SLC2A13: variants seen among roughly 807,000 people sequenced by gnomAD.
The protein encoded by SLC2A13 is proton myo-inositol cotransporter.
In SLC2A13, 32 loss-of-function variants were observed where a neutral mutation model predicts 64.4. The observed-to-expected ratio is 0.50, with a 90% confidence interval of 0.37 to 0.67. The LOEUF is 0.67. Ranked by LOEUF, SLC2A13 falls within the 30% of genes least tolerant of loss-of-function variation. The pLI is 0.00. For synonymous variants in SLC2A13, 338 were observed against 327.1 expected (o/e 1.03, Z -0.36); for missense variants, 743 against 829.2 (o/e 0.90, Z 1.28).
intron 3 of SLC2A13, among the ~76,000 whole-genome samples, chr12:39,958,512 A>G (rs1565561905): frequency 6.6e-6 from 1 of 152,210 alleles, no homozygotes; most frequent in Non-Finnish European, 1.5e-5. Context: ...TGTGGTCTCA[A>G]CATCCCCAGT....
intron 1 of SLC2A13, among the ~76,000 whole-genome samples, chr12:40,078,299 CTCT>C (rs1419156833): frequency 6.6e-6 from 1 of 152,090 alleles, no homozygotes; most frequent in Non-Finnish European, 1.5e-5. Flanking sequence ...TCATAAATGG[CTCT>C]TATTATTTTG....
chr12:39,813,462 C>G (rs1465546969), intron 7 of SLC2A13, among the ~76,000 whole-genome samples: 1 of 152,090 alleles, frequency 6.6e-6, no homozygotes, highest in Admixed American at 6.6e-5. Context: ...TACTCTGAAG[C>G]AAATTTCAGA....
At position 39,929,362 on chromosome 12, in the gene SLC2A13, C is replaced by T. The variant is rs560533988; in HGVS notation, c.1034+21895G>A. Among the ~76,000 whole-genome samples, 7 of 151,926 alleles carry T rather than the reference C, an allele frequency of 4.6e-5. No homozygotes were observed. In the East Asian group the frequency reaches 1.4e-3, roughly 29 times the overall value. On this transcript the variant is annotated intron_variant, in intron 4 of 9. Transcript: ENST00000280871. The stretch of plus-strand genomic sequence containing the variant: ...CGTCAGGAGTTCGAGACTAGCCTGG[C>T]CAAGATGGTGAAACCCTGTCTCTAC...
chr12:39,854,618 A>C (rs975930749), intron 6 of SLC2A13, among the ~76,000 whole-genome samples: 4 of 152,056 alleles, frequency 2.6e-5, no homozygotes, highest in Non-Finnish European at 4.4e-5. Flanking sequence ...CCTCCAATCT[A>C]TATCCCAAAA....
At chr12:39,925,030 ATTTTTTT>A (rs58902176) in intron 4 of SLC2A13, among the ~76,000 whole-genome samples, 24 of 119,114 alleles carry the variant, frequency 2.0e-4, no homozygotes, top group East Asian at 1.4e-3. Flanking sequence ...CATACAGATA[ATTTTTTT>A]TTTTTTTTTT....
At chr12:40,094,438 GA>G (rs1382221276) in intron 1 of SLC2A13, among the ~76,000 whole-genome samples, 1 of 152,128 alleles carries the variant, frequency 6.6e-6, no homozygotes, top group Non-Finnish European at 1.5e-5. Flanking sequence ...GGAGATGGGG[GA>G]AAGAGCAGCC....
chr12:39,897,359 CTTCT>C (rs1373204631), intron 4 of SLC2A13, among the ~76,000 whole-genome samples: 1 of 152,148 alleles, frequency 6.6e-6, no homozygotes, highest in Non-Finnish European at 1.5e-5. Flanking sequence ...CTCACTACCC[CTTCT>C]TTAACAGACA....
intron 3 of SLC2A13, among the ~76,000 whole-genome samples, chr12:40,012,890 C>T (rs1037561889): frequency 6.6e-6 from 1 of 152,138 alleles, no homozygotes; most frequent in Non-Finnish European, 1.5e-5. Flanking sequence ...GCCTCCGGGA[C>T]TGAATGACAA....
chr12:39,875,377 C>G (rs1214112850), intron 4 of SLC2A13, among the ~76,000 whole-genome samples: 1 of 152,210 alleles, frequency 6.6e-6, no homozygotes, highest in East Asian at 1.9e-4. Context: ...CTTTGCCTCC[C>G]TTGTGACTAT....
chr12:39,929,506 G>A (rs946381055), intron 4 of SLC2A13, among the ~76,000 whole-genome samples: 5 of 151,596 alleles, frequency 3.3e-5, no homozygotes, highest in African/African-American at 2.4e-5. Flanking sequence ...AGCCGAGATC[G>A]AGCCATTGCA....
Position 39,756,518 on chromosome 12 carries a change from ACTCT to A in SLC2A13, c.*3504_*3507del, listed in dbSNP as rs1261899804. 8.6e-5 allele frequency: 13 copies of A among 151,754 alleles called. 1 individual carries two copies. The East Asian group carries it at 2.5e-3, about 29-fold the overall frequency. 9.4% of individuals were successfully genotyped at this position (151,754 alleles called of 1,614,324 possible). A position where few individuals can be genotyped will look rare whatever the true frequency, so the allele number is the denominator to read the frequency against. ...GAAATAAAACCAAAATAACATTCCAACTCTCTCCACTGTATTACAGTATTTATGA... is the reference window on the plus strand; with the variant it reads ...GAAATAAAACCAAAATAACATTCCAACTCCACTGTATTACAGTATTTATGA... On this transcript the variant is annotated 3_prime_UTR_variant, in exon 10 of 10. Coordinates refer to ENST00000280871, the MANE Select transcript of SLC2A13 (RefSeq NM_052885.4).
chr12:40,087,611 T>A (rs1457631846), intron 1 of SLC2A13, among the ~76,000 whole-genome samples: 1 of 152,178 alleles, frequency 6.6e-6, no homozygotes, highest in African/African-American at 2.4e-5. Context: ...ATCTACTATG[T>A]GCCAGAGGCT....
chr12:39,906,047 C>T (rs17127234), intron 4 of SLC2A13, among the ~76,000 whole-genome samples: 6,849 of 152,142 alleles, frequency 0.045, 533 homozygotes, highest in African/African-American at 0.15. Flanking sequence ...ATGCTAAAAA[C>T]ATGACAACTT....
intron 6 of SLC2A13, among the ~76,000 whole-genome samples, chr12:39,851,613 C>T (rs1198837953): frequency 2.0e-5 from 3 of 152,102 alleles, no homozygotes; most frequent in African/African-American, 7.2e-5. Flanking sequence ...TAATAGGTTT[C>T]TACAGTAACT....
Position 39,780,203 on chromosome 12 carries a change from A to G in SLC2A13, c.1446-15345T>C, listed in dbSNP as rs373543518. ...TAGCATCATTATTCCCATTTTGCAT[A>G]TAAGTCTTTTTTAAATATAGTGACT... On this transcript the variant is annotated intron_variant, in intron 7 of 9. Transcript: ENST00000280871. Among the ~76,000 whole-genome samples the G allele has an allele frequency of 1.5e-3, 216 of 148,152 alleles. 1 individual carries two copies. The highest frequency in any genetic ancestry group is 5.0e-3 in the African/African-American group (203 of 40,900).
intron 1 of SLC2A13, among the ~76,000 whole-genome samples, chr12:40,097,994 T>G (rs1251024550): frequency 6.6e-6 from 1 of 151,920 alleles, no homozygotes; most frequent in Non-Finnish European, 1.5e-5. Flanking sequence ...AACAGACGAA[T>G]GGATAGATTA....
In SLC2A13 at chr12:40,086,112, C is replaced by T. The variant is rs555810905; in HGVS notation, c.556+19141G>A. ...TCGGCCTCCCAAAGTGCTGGGATTACAGGTGTGAGCCATCGTGCCTGGCCC... is the reference window on the plus strand; with the variant it reads ...TCGGCCTCCCAAAGTGCTGGGATTATAGGTGTGAGCCATCGTGCCTGGCCC... On this transcript the variant is annotated intron_variant, in intron 1 of 9. Transcript: ENST00000280871. Among the ~76,000 whole-genome samples, 3 of 152,312 alleles carry T rather than the reference C, an allele frequency of 2.0e-5. No individual in the cohort carries two copies. The South Asian group carries it at 6.2e-4, about 32-fold the overall frequency.
chr12:39,954,233 G>C (rs1192136220), intron 3 of SLC2A13, among the ~76,000 whole-genome samples: 1 of 152,146 alleles, frequency 6.6e-6, no homozygotes, highest in African/African-American at 2.4e-5. Flanking sequence ...CTGCAGCACA[G>C]GGCAGGTAAA....
intron 3 of SLC2A13, among the ~76,000 whole-genome samples, chr12:39,958,921 T>C (rs1164976701): frequency 6.6e-6 from 1 of 152,130 alleles, no homozygotes; most frequent in Non-Finnish European, 1.5e-5. Context: ...TGCTGGATTA[T>C]GTCGGGTGTG....
Sources: allele counts gnomAD v4.1 joint callset (sites outside exome capture counted in the v4.1 genomes callset), GRCh38; gene constraint gnomAD v4.1.1; transcripts MANE v1.5; gene names NCBI Gene and HGNC (gene_info 2026-07-23, HGNC 2026-07-21).